The following PLAC1 variants were observed in gnomAD, a reference collection of about 807,000 sequenced individuals.
PLAC1 encodes the protein placenta associated 1.
For synonymous variants in PLAC1, 68 were observed against 62.1 expected, an observed-to-expected ratio of 1.09 and a Z score of -0.44; for missense variants, 136 against 163.2, an observed-to-expected ratio of 0.83 and a Z score of 0.91.
At chrX:134,742,645 T>C (rs1427999041) in intron 1 of PLAC1, among the ~76,000 whole-genome samples, 2 of 110,009 alleles carry the variant, frequency 1.8e-5, no homozygotes, top group Admixed American at 9.7e-5. Context: ...CTTTCAACTC[T>C]GAGAGGGTTT....
chrX:134,598,421 G>A (rs931025678), intron 2 of PLAC1, among the ~76,000 whole-genome samples: 9 of 111,863 alleles, frequency 8.0e-5, no homozygotes, highest in African/African-American at 2.6e-4. Flanking sequence ...ATGTGGCCTC[G>A]ACTCTCAGGG....
intron 1 of PLAC1, among the ~76,000 whole-genome samples, chrX:134,614,207 T>A (rs1465514684): frequency 9.0e-6 from 1 of 111,572 alleles, no homozygotes; most frequent in East Asian, 2.8e-4. Flanking sequence ...AGTTATACTT[T>A]CTTATGATTT....
intron 1 of PLAC1, among the ~76,000 whole-genome samples, chrX:134,649,941 C>A (rs940083238): frequency 9.0e-6 from 1 of 111,632 alleles, no homozygotes; most frequent in Non-Finnish European, 1.9e-5. Flanking sequence ...CCTCTCTCCC[C>A]CAAGGCAACC....
chrX:134,627,001 C>T (rs1472680906), intron 1 of PLAC1, among the ~76,000 whole-genome samples: 2 of 110,301 alleles, frequency 1.8e-5, no homozygotes, highest in Non-Finnish European at 3.8e-5. Flanking sequence ...ATGATCACAC[C>T]ACTGCACTCC....
At chrX:134,568,187 G>C (rs1355371336) in intron 2 of PLAC1, among the ~76,000 whole-genome samples, 2 of 112,665 alleles carry the variant, frequency 1.8e-5, no homozygotes, top group Non-Finnish European at 3.8e-5. Context: ...AGTTTGGAAG[G>C]AAATGTACAT....
intron 2 of PLAC1, among the ~76,000 whole-genome samples, chrX:134,682,754 C>T (rs2078502726): frequency 9.0e-6 from 1 of 110,726 alleles, no homozygotes; most frequent in Non-Finnish European, 1.9e-5. Context: ...TGAGGTTTCA[C>T]CATTTTGGCC....
intron 2 of PLAC1, among the ~76,000 whole-genome samples, chrX:134,705,268 A>G (rs538610206): frequency 1.6e-4 from 17 of 105,728 alleles, no homozygotes; most frequent in African/African-American, 5.9e-4. Flanking sequence ...AAATACAAAA[A>G]GTTAGTCGGG....
intron 1 of PLAC1, among the ~76,000 whole-genome samples, chrX:134,619,938 A>G (rs749402020): frequency 2.7e-5 from 3 of 112,220 alleles, no homozygotes; most frequent in Non-Finnish European, 5.6e-5. Flanking sequence ...TAGGTACAGT[A>G]GGCAGTAAGT....
chrX:134,641,993 G>A (rs1027700890), intron 1 of PLAC1, among the ~76,000 whole-genome samples: 1 of 111,967 alleles, frequency 8.9e-6, no homozygotes, highest in African/African-American at 3.2e-5. Flanking sequence ...GTGGGGGTGA[G>A]GTACCCCAAC....
chrX:134,686,728 G>A (rs2078518353), intron 2 of PLAC1, among the ~76,000 whole-genome samples: 1 of 111,777 alleles, frequency 8.9e-6, no homozygotes, highest in African/African-American at 3.3e-5. Context: ...ACTGCCATGT[G>A]TTCAGGGCCA....
At chrX:134,589,634 G>A (rs1315615131) in intron 2 of PLAC1, among the ~76,000 whole-genome samples, 4 of 107,213 alleles carry the variant, frequency 3.7e-5, no homozygotes, top group African/African-American at 1.4e-4. Flanking sequence ...GGCTGAGGCA[G>A]GAGAATTGCT....
intron 1 of PLAC1, among the ~76,000 whole-genome samples, chrX:134,742,309 C>T (rs1181638921): frequency 1.8e-5 from 2 of 112,686 alleles, no homozygotes; most frequent in Admixed American, 9.3e-5. Context: ...AACAGTGGGC[C>T]GGGCGCAGTG....
chrX:134,755,624 C>T (rs1007767611), intron 1 of PLAC1, among the ~76,000 whole-genome samples: 3 of 111,091 alleles, frequency 2.7e-5, no homozygotes, highest in Non-Finnish European at 5.7e-5. Context: ...ATTTGCATCT[C>T]TTACTATGTG....
At chrX:134,759,431 G>A (rs2078764718) in intron 1 of PLAC1, among the ~76,000 whole-genome samples, 1 of 111,760 alleles carries the variant, frequency 8.9e-6, no homozygotes. Context: ...GTACAGGCAT[G>A]AGCCACCAAG....
chrX:134,632,587 A>G (rs2078267406), intron 1 of PLAC1, among the ~76,000 whole-genome samples: 1 of 111,351 alleles, frequency 9.0e-6, no homozygotes, highest in Non-Finnish European at 1.9e-5. Flanking sequence ...CACAGATCTA[A>G]CCTTCTATCA....
chrX:134,746,526 GA>G (rs1305017421), intron 1 of PLAC1, among the ~76,000 whole-genome samples: 1 of 111,942 alleles, frequency 8.9e-6, no homozygotes, highest in Non-Finnish European at 1.9e-5. Context: ...TACAGAGTAG[GA>G]AAATTGAATG....
upstream of PLAC1, among the ~76,000 whole-genome samples, chrX:134,662,280 T>C (rs2078419261): frequency 9.0e-6 from 1 of 111,534 alleles, no homozygotes; most frequent in Non-Finnish European, 1.9e-5. Flanking sequence ...TATGCGAAAC[T>C]CATCCCTTTC....
At chrX:134,719,598 T>A (rs1190250475) in intron 2 of PLAC1, among the ~76,000 whole-genome samples, 1 of 111,208 alleles carries the variant, frequency 9.0e-6, no homozygotes, top group Non-Finnish European at 1.9e-5. Context: ...GAGACCAGCC[T>A]GGCCAACATG....
At position 134,704,721 on chromosome X, in the gene PLAC1, A is replaced by G. The variant is rs758137794; in HGVS notation, n.174+28714T>C. Among the ~76,000 whole-genome samples the G allele has an allele frequency of 4.5e-3, 463 of 103,680 alleles. 3 individuals are homozygous for G. Among genetic ancestry groups the G allele is most frequent in the African/African-American group, 0.015 (439 of 28,601 alleles). 90.0% of individuals were successfully genotyped at this position (103,680 alleles called of 115,157 possible). ...AAAATATATATATATGGCTGGGCGC[A>G]GTGGCTCACACCTGTAATCCCAGCA... is the stretch of plus-strand genomic sequence containing the variant. On this transcript the variant is annotated intron_variant and non_coding_transcript_variant, in intron 2 of 2. Transcript: ENST00000466797.
Sources: gnomAD v4.1 joint callset for allele counts (sites outside exome capture counted in the v4.1 genomes callset) on GRCh38, gnomAD v4.1.1 for gene constraint, MANE v1.5 for transcripts, NCBI Gene and HGNC (gene_info 2026-07-23, HGNC 2026-07-21) for gene names.